The following SEC14L1 variants were observed in gnomAD, a reference collection of about 807,000 sequenced individuals.
SEC14L1 encodes the protein SEC14-like protein 1.
Under a neutral mutation model 85.3 loss-of-function variants are expected in SEC14L1, and 48 were observed. The observed-to-expected ratio is 0.56, with a 90% CI of 0.45 to 0.72. The LOEUF is 0.72. SEC14L1 is among the 30% of genes least tolerant of loss of function. The pLI is 0.00. For synonymous variants in SEC14L1, 391 were observed against 355.5 expected (o/e 1.10, Z -1.12); for missense variants, 682 against 921.4 (o/e 0.74, Z 3.36).
chr17:77,153,951 C>T lies in SEC14L1; in HGVS notation c.63+10292C>T, dbSNP rs376324970. 2.7e-4 allele frequency among the ~76,000 whole-genome samples: 41 copies of T among 152,244 alleles called. No individual in the cohort carries two copies. In the East Asian group the frequency reaches 5.2e-3, roughly 19 times the overall value. On this transcript the variant is annotated intron_variant, in intron 3 of 16. Transcript: ENST00000436233. The stretch of plus-strand genomic sequence containing the variant: ...ATGTTGTAACAAGAAGCATATATTG[C>T]GTTGTAATTTTCTTGCATGGTACAA...
At chr17:77,147,073 C>G (rs1367417422) in intron 3 of SEC14L1, among the ~76,000 whole-genome samples, 1 of 152,226 alleles carries the variant, frequency 6.6e-6, no homozygotes, top group East Asian at 1.9e-4. Flanking sequence ...ATGTGCCTCA[C>G]TAGAACGCAC....
At chr17:77,212,271 A>G (rs1976796387) in intron 15 of SEC14L1, 70 bp downstream of exon 15, 1 of 1,571,578 alleles carries the variant, frequency 6.4e-7, no homozygotes, top group South Asian at 1.2e-5. Flanking sequence ...TCTTGAGTAG[A>G]CTCTTTGCTT....
At chr17:77,202,596 C>T (rs930551309) in intron 9 of SEC14L1, among the ~76,000 whole-genome samples, 6 of 147,264 alleles carry the variant, frequency 4.1e-5, no homozygotes, top group Non-Finnish European at 9.0e-5. Flanking sequence ...TCCAGCCTGG[C>T]GACAGAGCAA....
chr17:77,191,020 A>G (rs1389966224), intron 4 of SEC14L1, 68 bp downstream of exon 4: 13 of 1,588,340 alleles, frequency 8.2e-6, no homozygotes, highest in Non-Finnish European at 1.1e-5. Flanking sequence ...CTGGTGGGAG[A>G]GGGCGTCCTG....
chr17:77,200,222 G>A (rs909244196), intron 8 of SEC14L1, among the ~76,000 whole-genome samples: 7 of 151,974 alleles, frequency 4.6e-5, no homozygotes, highest in Non-Finnish European at 1.0e-4. Flanking sequence ...TTTTTTTTAG[G>A]GCAGTAATGT....
At chr17:77,166,295 C>T (rs2143660071) in intron 3 of SEC14L1, among the ~76,000 whole-genome samples, 1 of 152,270 alleles carries the variant, frequency 6.6e-6, no homozygotes, top group East Asian at 1.9e-4. Context: ...CTTATTTAAT[C>T]TTTCAACAAT....
chr17:77,211,875 G>A, intron 14 of SEC14L1, 75 bp from the exon 15 acceptor site: 1 of 1,571,030 alleles, frequency 6.4e-7, no homozygotes, highest in Non-Finnish European at 8.6e-7. Flanking sequence ...GGATCCCCTG[G>A]AGAGCACGAT....
At chr17:77,103,666 T>C (rs1415858698) in intron 3 of SEC14L1, among the ~76,000 whole-genome samples, 3 of 8,020 alleles carry the variant, frequency 3.7e-4, no homozygotes, top group Non-Finnish European at 6.5e-4. Context: ...AGTCTTGAAC[T>C]CCTGATCTCA....
In SEC14L1 at chr17:77,191,181, A is replaced by G; in HGVS notation, c.214A>G (p.Ile72Val). 1 of 1,606,924 alleles carries G rather than the reference A, an allele frequency of 6.2e-7. No homozygotes were observed. Among genetic ancestry groups the G allele is most frequent in the East Asian group, 2.2e-5 (1 of 44,822 alleles). Residue 72 changes from isoleucine (I) to valine (V), a missense_variant and splice_region_variant, in exon 5 of 17, where the codon ATT becomes GTT. By Grantham distance (29) the Ile-to-Val change is conservative. Around this residue, in one of 3 missense-constraint regions of SEC14L1, gnomAD observed 139 missense variants for 201.3 expected, o/e 0.69. Coordinates refer to ENST00000436233, the MANE Select transcript of SEC14L1 (RefSeq NM_001143998.2). The stretch of plus-strand genomic sequence containing the variant: ...ATTTCTCTTTCTTTTTTTTTTGAAG[A>G]TTGCAGGAGTTGATTATGTTTATTT... ...DVDAPRLLKK[I>V]AGVDYVYFVQ...
chr17:77,197,956 G>A (rs145794449), intron 8 of SEC14L1, among the ~76,000 whole-genome samples: 2 of 152,212 alleles, frequency 1.3e-5, no homozygotes, highest in Non-Finnish European at 2.9e-5. Flanking sequence ...TCTGACTTAA[G>A]TAGTAAAGAA....
chr17:77,096,841 T>C (rs1344258359), intron 3 of SEC14L1, among the ~76,000 whole-genome samples: 1 of 152,082 alleles, frequency 6.6e-6, no homozygotes, highest in Non-Finnish European at 1.5e-5. Context: ...TTGTTTTGAT[T>C]TGTGTAATTT....
chr17:77,124,387 C>T (rs1418775595), intron 3 of SEC14L1, among the ~76,000 whole-genome samples: 1 of 152,034 alleles, frequency 6.6e-6, no homozygotes, highest in African/African-American at 2.4e-5. Context: ...AAACCGGAAA[C>T]CACGTCTTGT....
At position 77,213,355 on chromosome 17, in the gene SEC14L1, G is replaced by C; in HGVS notation, c.1905G>C (p.Gln635His). The C allele has an allele frequency of 6.2e-7, 1 of 1,613,312 alleles. No homozygotes were observed. Among genetic ancestry groups the C allele is most frequent in the Non-Finnish European group, 8.5e-7 (1 of 1,179,866 alleles). The stretch of plus-strand genomic sequence containing the variant: ...GGTGGCCGGGCTTCTACATCCTGCA[G>C]TGGAAATTCCACAGCATGCCTGCGT... ...VTRWPGFYIL[Q>H]WKFHSMPACA... is the part of the protein sequence containing the mutation. Residue 635 changes from glutamine to histidine, a missense_variant, in exon 16 of 17, where the codon CAG becomes CAC. Gln to His is a conservative substitution (Grantham distance 24). Around this residue, in one of 3 missense-constraint regions of SEC14L1, gnomAD observed 420 missense variants for 619.5 expected, o/e 0.68. Coordinates refer to ENST00000436233, the MANE Select transcript of SEC14L1 (RefSeq NM_001143998.2). The surrounding 1 kb of genome is among the most constrained non-coding windows in gnomAD (Gnocchi z 7.1).
intron 2 of SEC14L1, among the ~76,000 whole-genome samples, chr17:77,091,554 G>A (rs1971517925): frequency 6.6e-6 from 1 of 152,206 alleles, no homozygotes; most frequent in Non-Finnish European, 1.5e-5. Flanking sequence ...GCCACATGTA[G>A]CTGTTGAGCA....
intron 14 of SEC14L1, 177 bp from the exon 15 acceptor site, chr17:77,211,773 C>T (rs1027741102): frequency 3.5e-5 from 27 of 761,566 alleles, no homozygotes; most frequent in Non-Finnish European, 5.1e-5. Flanking sequence ...CAGGATCCAG[C>T]GGTTGAATGG....
chr17:77,193,025 TTA>T (rs1290545175), intron 5 of SEC14L1, among the ~76,000 whole-genome samples: 25 of 152,212 alleles, frequency 1.6e-4, no homozygotes, highest in Non-Finnish European at 2.9e-4. Context: ...TTACTTATCT[TTA>T]ATTTCCTTGC....
rs78587997 is a variant in SEC14L1, at chr17:77,171,191, G to A, written c.64-19612G>A. ...AGATTTCTATACACCCATAAACTCC[G>A]AGAGCGGCATCACACATAGCCTGGG... On this transcript the variant is annotated intron_variant, in intron 3 of 16. Transcript: ENST00000436233. Among the ~76,000 whole-genome samples, 72 of 152,174 alleles carry A rather than the reference G, an allele frequency of 4.7e-4. 1 individual carries two copies. In the East Asian group the frequency reaches 0.012, roughly 24 times the overall value.
At chr17:77,120,433 A>G (rs907634614) in intron 3 of SEC14L1, among the ~76,000 whole-genome samples, 4 of 151,012 alleles carry the variant, frequency 2.6e-5, no homozygotes, top group Non-Finnish European at 4.4e-5. Flanking sequence ...TAGGGAATGC[A>G]TCCACAACCT....
chr17:77,121,262 A>G (rs1481562389), intron 3 of SEC14L1, among the ~76,000 whole-genome samples: 2 of 152,222 alleles, frequency 1.3e-5, no homozygotes, highest in Non-Finnish European at 2.9e-5. Flanking sequence ...GCGGGCAGGG[A>G]AAAGAGATGT....
Sources: gnomAD v4.1 joint callset for allele counts (sites outside exome capture counted in the v4.1 genomes callset) on GRCh38, gnomAD v4.1.1 for gene constraint, gnomAD v4.1.1 regional missense constraint, Gnocchi (gnomAD v3.1) non-coding constraint, MANE v1.5 for transcripts, NCBI Gene and HGNC (gene_info 2026-07-23, HGNC 2026-07-21) for gene names.